The following LRRC58 variants were observed in gnomAD, a reference collection of about 807,000 sequenced individuals.
LRRC58 encodes the protein leucine-rich repeat-containing protein 58.
Under a neutral mutation model 30.6 loss-of-function variants are expected in LRRC58, and 18 were observed. The observed-to-expected ratio is 0.59, with a 90% CI of 0.41 to 0.87. The LOEUF (loss-of-function observed/expected upper bound fraction) is 0.87, where lower values mean the gene tolerates loss of function less well. Among genes scored for constraint, LRRC58 ranks in the 40% least tolerant of loss-of-function variants. The probability of loss-of-function intolerance (pLI) is 0.00; values close to 1 mark genes in which losing one functional copy is unlikely to be tolerated. For missense variants in LRRC58, 420 were observed against 468.4 expected (o/e 0.90, Z 0.95); for synonymous variants, 221 against 206.0 (o/e 1.07, Z -0.62).
At chr3:120,347,755 T>C (rs760663423) in intron 1 of LRRC58, among the ~76,000 whole-genome samples, 1 of 152,222 alleles carries the variant, frequency 6.6e-6, no homozygotes, top group Non-Finnish European at 1.5e-5. Context: ...AACGTTCTGT[T>C]ATCTCTGAAA....
At position 120,331,140 on chromosome 3, in the gene LRRC58, TTTC is replaced by T; in HGVS notation, c.*57_*59del. On this transcript the variant is annotated 3_prime_UTR_variant, in exon 4 of 4. Transcript: ENST00000295628. Reference sequence around the variant, plus strand: ...ATTTCTAGTGAACTTCAAGCTCTATTTTCTTGTCTAACCATTTTGCTCAGTTTT... The same window carrying T: ...ATTTCTAGTGAACTTCAAGCTCTATTTTGTCTAACCATTTTGCTCAGTTTT... 7.0e-7 allele frequency: 1 copy of T among 1,423,392 alleles called. No homozygotes were observed. Among genetic ancestry groups the T allele is most frequent in the South Asian group, 1.2e-5 (1 of 86,012 alleles). 88.2% of individuals were successfully genotyped at this position (1,423,392 alleles called of 1,614,324 possible).
Position 120,342,249 on chromosome 3 carries a change from C to T in LRRC58, c.501-6296G>A, listed in dbSNP as rs1018055791. 1.2e-4 allele frequency among the ~76,000 whole-genome samples: 18 copies of T among 152,174 alleles called. No homozygotes were observed. In the East Asian group the frequency reaches 2.1e-3, roughly 18 times the overall value. ...GAAGGCTGGGGGCCAAGCTGCCAGT[C>T]GGGCAGATGGGAGTGGGGACTCCTG... On this transcript the variant is annotated intron_variant, in intron 1 of 3. Transcript: ENST00000295628.
At chr3:120,333,935 A>G (rs1935796690) in intron 3 of LRRC58, among the ~76,000 whole-genome samples, 1 of 152,222 alleles carries the variant, frequency 6.6e-6, no homozygotes, top group Non-Finnish European at 1.5e-5. Context: ...CTCAAGAATT[A>G]GCTCATTGTT....
chr3:120,332,261 A>C (rs972589586), intron 3 of LRRC58, among the ~76,000 whole-genome samples: 7 of 152,244 alleles, frequency 4.6e-5, no homozygotes, highest in African/African-American at 1.7e-4. Context: ...ACTCTGCCTA[A>C]GTTTCTTCTG....
At chr3:120,335,601 T>C (rs1038436004) in intron 2 of LRRC58, among the ~76,000 whole-genome samples, 1 of 152,216 alleles carries the variant, frequency 6.6e-6, no homozygotes, top group African/African-American at 2.4e-5. Context: ...AATTCTTTGA[T>C]TACAGAAAAT....
intron 3 of LRRC58, among the ~76,000 whole-genome samples, chr3:120,332,727 T>C (rs1024407027): frequency 3.9e-5 from 6 of 152,048 alleles, no homozygotes; most frequent in African/African-American, 9.7e-5. Flanking sequence ...GTTCATTTCA[T>C]AGATTATCTC....
chr3:120,332,577 G>T (rs1437388829), intron 3 of LRRC58, among the ~76,000 whole-genome samples: 1 of 152,054 alleles, frequency 6.6e-6, no homozygotes, highest in Non-Finnish European at 1.5e-5. Flanking sequence ...GAGTTACTAC[G>T]AACTAAAGCA....
At position 120,348,791 on chromosome 3, in the gene LRRC58, G is replaced by C; in HGVS notation, c.453C>G (p.Gly151=). 3 of 1,605,024 alleles carry C rather than the reference G, an allele frequency of 1.9e-6. No homozygotes were observed. The highest frequency in any genetic ancestry group is 2.5e-6 in the Non-Finnish European group (3 of 1,176,522). The change falls in exon 1 of 4, where the codon GGC becomes GGG. Residue 151 remains glycine (G), a synonymous_variant. Transcript: ENST00000295628. ...ELRALQTLSL[G]GNQLQSIPAE... The stretch of plus-strand genomic sequence containing the variant: ...CCGGGATGCTCTGCAGTTGGTTGCC[G>C]CCCAGGCTCAGGGTCTGCAGCGCGC...
chr3:120,329,965 T>A lies in LRRC58; in HGVS notation c.*1235A>T, dbSNP rs902775628. The A allele has an allele frequency of 1.3e-5, 2 of 152,000 alleles. No homozygotes were observed. Among genetic ancestry groups the A allele is most frequent in the Non-Finnish European group, 2.9e-5 (2 of 67,898 alleles). The allele number at this position is 152,000 out of a possible 1,614,324, so 9.4% of individuals were successfully genotyped here. On this transcript the variant is annotated 3_prime_UTR_variant, in exon 4 of 4. Transcript: ENST00000295628. ...TGCTATACATTAAGGATACAATATA[T>A]TTAATAATTTTTTTCTATTTTATTA... is the stretch of plus-strand genomic sequence containing the variant.
chr3:120,345,946 C>A (rs1935962826), intron 1 of LRRC58, among the ~76,000 whole-genome samples: 2 of 152,144 alleles, frequency 1.3e-5, no homozygotes, highest in South Asian at 4.1e-4. Flanking sequence ...GATCACAAAT[C>A]CAACAGTACA....
intron 1 of LRRC58, among the ~76,000 whole-genome samples, chr3:120,346,294 G>A (rs1456025766): frequency 6.6e-6 from 1 of 151,828 alleles, no homozygotes; most frequent in Non-Finnish European, 1.5e-5. Context: ...ACAAAAACAA[G>A]CAAAAAACCA....
rs371196223 is a variant in LRRC58 at position 120,348,752 on chromosome 3, G to C, written c.492C>G (p.Asn164Lys). The change falls in exon 1 of 4, where the codon AAC (asparagine) becomes AAG (lysine). Residue 164 changes from asparagine (N) to lysine (K), a missense_variant. Transcript: ENST00000295628. The part of the protein sequence containing the change: ...QLQSIPAEIE[N>K]LQSLECLYLG... ...GGCACACACCCGCTCACCTCTGCAA[G>C]TTCTCGATCTCAGCCGGGATGCTCT... 3.2e-6 allele frequency: 5 copies of C among 1,584,088 alleles called. No homozygotes were observed. The African/African-American group carries it at 6.9e-5, about 22-fold the overall frequency.
Position 120,349,339 on chromosome 3 carries a change from G to C in LRRC58, c.-96C>G, listed in dbSNP as rs987801032. The C allele has an allele frequency of 1.2e-5, 15 of 1,250,034 alleles. No homozygotes were observed. Among genetic ancestry groups the C allele is most frequent in the Non-Finnish European group, 1.4e-5 (14 of 978,464 alleles). 77.4% of individuals were successfully genotyped at this position (1,250,034 alleles called of 1,614,324 possible). On this transcript the variant is annotated 5_prime_UTR_variant, in exon 1 of 4. Transcript: ENST00000295628. ...TGCGGCGCCCCGGAACCTGAACCGA[G>C]GGCTGAGTCGGAAGTGGCGCGGGCG...
At chr3:120,334,774 AAC>A (rs1260469243) in intron 3 of LRRC58, 86 bp downstream of exon 3, 2 of 1,230,262 alleles carry the variant, frequency 1.6e-6, no homozygotes, top group Non-Finnish European at 2.2e-6. Context: ...AGGGAACAGA[AAC>A]AGAGACTGCT....
chr3:120,349,258 G>A lies in LRRC58; in HGVS notation c.-15C>T. ...GCCTCCTCCATCCTGGCCACCGCAC[G>A]GCGCGTGGCGCCGGATTCCCCAGAG... is the stretch of plus-strand genomic sequence containing the variant. On this transcript the variant is annotated 5_prime_UTR_variant, in exon 1 of 4. Transcript: ENST00000295628. 7.4e-7 allele frequency: 1 copy of A among 1,357,950 alleles called. No individual in the cohort carries two copies. The allele number at this position is 1,357,950 out of a possible 1,614,324, so 84.1% of individuals were successfully genotyped here. A position where few individuals can be genotyped will look rare whatever the true frequency, so the allele number is the denominator to read the frequency against.
intron 1 of LRRC58, among the ~76,000 whole-genome samples, chr3:120,338,455 A>C (rs1935862518): frequency 1.3e-5 from 2 of 152,226 alleles, no homozygotes; most frequent in South Asian, 2.1e-4. Flanking sequence ...TTTTAGTGAG[A>C]AGACAGACAA....
At chr3:120,343,399 T>C (rs1025366665) in intron 1 of LRRC58, among the ~76,000 whole-genome samples, 2 of 152,222 alleles carry the variant, frequency 1.3e-5, no homozygotes. Flanking sequence ...GTAGCAAAAC[T>C]GTAGGGTTTA....
Position 120,349,332 on chromosome 3 carries a change from G to A in LRRC58, c.-89C>T, listed in dbSNP as rs1936025632. ...GGAGCTCTGCGGCGCCCCGGAACCT[G>A]AACCGAGGGCTGAGTCGGAAGTGGC... On this transcript the variant is annotated 5_prime_UTR_variant, in exon 1 of 4. Coordinates refer to ENST00000295628, the MANE Select transcript of LRRC58 (RefSeq NM_001099678.2). 2.4e-6 allele frequency: 3 copies of A among 1,274,578 alleles called. No individual in the cohort carries two copies. The highest frequency in any genetic ancestry group is 3.0e-6 in the Non-Finnish European group (3 of 998,076). 79.0% of individuals were successfully genotyped at this position (1,274,578 alleles called of 1,614,324 possible).
In LRRC58 at chr3:120,349,295, G is replaced by A; in HGVS notation, c.-52C>T. ...CGGATTCCCCAGAGCGCCGCGCGCGGTCCAGAGGCCGGGAGCTCTGCGGCG... is the reference window on the plus strand; with the variant it reads ...CGGATTCCCCAGAGCGCCGCGCGCGATCCAGAGGCCGGGAGCTCTGCGGCG... On this transcript the variant is annotated 5_prime_UTR_variant, in exon 1 of 4. Coordinates refer to ENST00000295628, the MANE Select transcript of LRRC58 (RefSeq NM_001099678.2). 1 of 1,342,872 alleles carries A rather than the reference G, an allele frequency of 7.4e-7. No individual in the cohort carries two copies. Among genetic ancestry groups the A allele is most frequent in the South Asian group, 1.9e-5 (1 of 53,590 alleles). 83.2% of individuals were successfully genotyped at this position (1,342,872 alleles called of 1,614,324 possible).
Sources: allele counts gnomAD v4.1 joint callset (sites outside exome capture counted in the v4.1 genomes callset), GRCh38; gene constraint gnomAD v4.1.1; transcripts MANE v1.5; gene names NCBI Gene and HGNC (gene_info 2026-07-23, HGNC 2026-07-21).